Variants in MYO15B observed in about 807,000 individuals in gnomAD.
MYO15B encodes the protein myosin XVB.
Under a neutral mutation model 119.3 loss-of-function variants are expected in MYO15B, and 207 were observed. The ratio of observed to expected loss-of-function variants is 1.73; its 90% confidence interval spans 1.55 to 1.95. The LOEUF (loss-of-function observed/expected upper bound fraction) is 1.95. Among genes scored for constraint, MYO15B ranks in the 30% most tolerant of loss-of-function variants. The pLI is 0.00. For synonymous variants in MYO15B, 966 were observed against 498.9 expected, an observed-to-expected ratio of 1.94 and a Z score of -12.48; for missense variants, 2,264 against 1,203.1, an observed-to-expected ratio of 1.88 and a Z score of -13.04.
chr17:75,593,244 C>T (rs189712182), intron 9 of MYO15B, among the ~76,000 whole-genome samples: 12 of 145,960 alleles, frequency 8.2e-5, no homozygotes, highest in African/African-American at 3.0e-4. Flanking sequence ...TGGCTCACAC[C>T]TGTAATCCTA....
chr17:75,597,408 C>G (rs755185126), intron 14 of MYO15B, among the ~76,000 whole-genome samples: 1 of 152,240 alleles, frequency 6.6e-6, no homozygotes. Context: ...GCAGTCACAG[C>G]GTCTATTCAT....
At chr17:75,624,297 G>C (rs1407971582) in intron 56 of MYO15B, 28 bp downstream of exon 56, 1 of 702,750 alleles carries the variant, frequency 1.4e-6, no homozygotes, top group Non-Finnish European at 2.6e-6. Context: ...TGGGCATTGT[G>C]GGACACCCTG....
rs551964596 is a variant in MYO15B, at chr17:75,604,624, A to C, written c.4017-880A>C. Among the ~76,000 whole-genome samples the C allele has an allele frequency of 6.3e-5, 9 of 143,198 alleles. No individual in the cohort carries two copies. In the South Asian group the frequency reaches 1.6e-3, roughly 26 times the overall value. The allele number at this position is 143,198 out of a possible 152,430, so 93.9% of individuals were successfully genotyped here. On this transcript the variant is annotated intron_variant, in intron 19 of 63. Coordinates refer to ENST00000645453, the Ensembl canonical transcript of MYO15B. ...AGGAGACGAAGGCCTTGGGAACCAC[A>C]TTCCTGTTGCTCCCGTGGCCCAGAA...
In MYO15B at chr17:75,626,179, A is replaced by G. The variant is rs2059046910; in HGVS notation, c.9164A>G (p.Asn3055Ser). 8.5e-6 allele frequency: 6 copies of G among 702,944 alleles called. No homozygotes were observed. In the South Asian group the frequency reaches 8.9e-5, roughly 10 times the overall value. The allele number at this position is 702,944 out of a possible 1,614,324, so 43.5% of individuals were successfully genotyped here. ...AAGGGGCCCCCTGGCCTGGAAGTCA[A>G]CTATGGCTCAGCTGACAACCCCCAG... The change falls in exon 63 of 64, where the codon AAC becomes AGC. Residue 3055 changes from asparagine to serine, a missense_variant. Coordinates refer to ENST00000645453, the Ensembl canonical transcript of MYO15B.
chr17:75,606,196 G>T, intron 21 of MYO15B, 175 bp downstream of exon 21: 1 of 508,840 alleles, frequency 2.0e-6, no homozygotes, highest in South Asian at 3.2e-5. Context: ...TACCCGTGCA[G>T]CCTCTGCTTG....
chr17:75,620,597 C>T (rs974725179), exon 49 of MYO15B: 33 of 702,356 alleles, frequency 4.7e-5, no homozygotes, highest in Middle Eastern at 4.6e-4. Flanking sequence ...AGCTGTCCAA[C>T]GGGGAACCAG....
chr17:75,590,391 G>A (rs1281945143), intron 1 of MYO15B, 148 bp downstream of exon 1: 1 of 398,080 alleles, frequency 2.5e-6, no homozygotes, highest in South Asian at 1.4e-4. Flanking sequence ...GGCAGGTAAG[G>A]GGCAACAGGT....
At chr17:75,612,362 C>T (rs748078678) in intron 25 of MYO15B, among the ~76,000 whole-genome samples, 5 of 152,256 alleles carry the variant, frequency 3.3e-5, no homozygotes, top group South Asian at 4.1e-4. Context: ...GCAGTAAATA[C>T]AAATGCAGGT....
intron 12 of MYO15B, among the ~76,000 whole-genome samples, chr17:75,596,166 A>G (rs1039752367): frequency 2.6e-5 from 4 of 152,134 alleles, no homozygotes; most frequent in Non-Finnish European, 5.9e-5. Context: ...CCAACCTGCT[A>G]TTTAGTAGGG....
At chr17:75,591,811 A>G in intron 5 of MYO15B, 99 bp downstream of exon 5, 1 of 687,498 alleles carries the variant, frequency 1.5e-6, no homozygotes, top group Non-Finnish European at 2.7e-6. Context: ...TTCTCCTTTC[A>G]GCCAGGAGAG....
chr17:75,608,548 C>T (rs60551857), intron 21 of MYO15B, among the ~76,000 whole-genome samples: 1 of 151,930 alleles, frequency 6.6e-6, no homozygotes, highest in South Asian at 2.1e-4. Flanking sequence ...GGCTGAGGCA[C>T]GAGAATCACT....
At chr17:75,617,579 G>GACACATAACCGACA in intron 41 of MYO15B, 2 of 572,684 alleles carry the variant, frequency 3.5e-6, no homozygotes, top group South Asian at 2.2e-5. Context: ...GGAAGTTAGT[G>GACACATAACCGACA]GCCCTGGCTG....
chr17:75,592,675 G>T lies in MYO15B; in HGVS notation c.2830-4G>T. ...CGCTCCCTCACCCCTGCTGTGCTCT[G>T]CAGGGCCAGGCCTGCAGGCTGCAAG... On this transcript the variant is annotated splice_region_variant and splice_polypyrimidine_tract_variant and intron_variant, in intron 8 of 63. Transcript: ENST00000645453. 1.4e-6 allele frequency: 1 copy of T among 699,908 alleles called. No homozygotes were observed. Among genetic ancestry groups the T allele is most frequent in the South Asian group, 1.5e-5 (1 of 67,300 alleles). The allele number at this position is 699,908 out of a possible 1,614,324, so 43.4% of individuals were successfully genotyped here.
chr17:75,589,353 GCGGGGCCACGAGCGAGGGGACGAGGGT>G lies in MYO15B; in HGVS notation c.1304_1330del (p.His435_Gly443del), dbSNP rs1293804677. ...GGGGCCGCGGGAAAGCGGATGAAGGGCGGGGCCACGAGCGAGGGGACGAGGGTCGGGGCCGCGGGAAAGCGGACGAAG... is the reference window on the plus strand; with the variant it reads ...GGGGCCGCGGGAAAGCGGATGAAGGGCGGGGCCGCGGGAAAGCGGACGAAG... On this transcript the variant is annotated inframe_deletion, in exon 1 of 64. Transcript: ENST00000645453. The surrounding 1 kb of genome is among the most constrained non-coding windows in gnomAD (Gnocchi z 4.2). The G allele has an allele frequency of 1.8e-5, 7 of 388,132 alleles. No individual in the cohort carries two copies. The highest frequency in any genetic ancestry group is 2.7e-5 in the Non-Finnish European group (6 of 221,024). 24.0% of individuals were successfully genotyped at this position (388,132 alleles called of 1,614,324 possible).
intron 22 of MYO15B, chr17:75,610,562 G>T: frequency 2.0e-6 from 1 of 496,414 alleles, no homozygotes; most frequent in Non-Finnish European, 3.6e-6. Flanking sequence ...TTTGCATGAT[G>T]ACTCAAATCT....
At chr17:75,611,529 G>A in intron 23 of MYO15B, 72 bp from the exon 24 acceptor site, 1 of 689,396 alleles carries the variant, frequency 1.5e-6, no homozygotes, top group Non-Finnish European at 2.7e-6. Flanking sequence ...TCTTGGGGTT[G>A]AGGGTGTGGG....
At chr17:75,598,431 A>G (rs1008746096) in intron 14 of MYO15B, among the ~76,000 whole-genome samples, 9 of 149,398 alleles carry the variant, frequency 6.0e-5, no homozygotes, top group Middle Eastern at 7.4e-3. Flanking sequence ...ACAAAAAATT[A>G]GCCGGGCGTG....
At position 75,588,116 on chromosome 17, in the gene MYO15B, CAG is replaced by C; in HGVS notation, c.60_61del (p.Glu22AlafsTer104). ...CTGGAGAGGCCCGGGAGGCCGGCCT[CAG>C]GGGAGCAGGAGTCGGGGTCGGCCAG... On this transcript the variant is annotated frameshift_variant, in exon 1 of 64. Transcript: ENST00000645453. LOFTEE classifies it high-confidence loss of function. 1 of 398,280 alleles carries C rather than the reference CAG, an allele frequency of 2.5e-6. No homozygotes were observed. The highest frequency in any genetic ancestry group is 4.4e-6 in the Non-Finnish European group (1 of 225,772). 24.7% of individuals were successfully genotyped at this position (398,280 alleles called of 1,614,324 possible).
At chr17:75,607,427 AATTAATTATTATT>A (rs952742122) in intron 21 of MYO15B, among the ~76,000 whole-genome samples, 3 of 112,144 alleles carry the variant, frequency 2.7e-5, no homozygotes, top group African/African-American at 9.8e-5. Context: ...GAGGGTTAAT[AATTAATTATTATT>A]ATTATTATTA....
Sources: gnomAD v4.1 joint callset for allele counts (sites outside exome capture counted in the v4.1 genomes callset) on GRCh38, gnomAD v4.1.1 for gene constraint, Gnocchi (gnomAD v3.1) non-coding constraint, MANE v1.5 for transcripts, NCBI Gene and HGNC (gene_info 2026-07-23, HGNC 2026-07-21) for gene names.